Variants in ELOVL5 observed in about 807,000 individuals in gnomAD.
ELOVL5 encodes the protein ELOVL fatty acid elongase 5.
ELOVL5 carries 8 observed loss-of-function variants against 38.6 expected under a neutral mutation model. The observed-to-expected ratio is 0.21, with a 90% CI of 0.12 to 0.37. The LOEUF (loss-of-function observed/expected upper bound fraction) is 0.37. Ranked by LOEUF, ELOVL5 falls within the 10% of genes least tolerant of loss-of-function variation. The pLI is 1.00. For synonymous variants in ELOVL5, 127 were observed against 133.7 expected, an observed-to-expected ratio of 0.95 and a Z score of 0.34; for missense variants, 280 against 367.8, an observed-to-expected ratio of 0.76 and a Z score of 1.95.
intron 1 of ELOVL5, among the ~76,000 whole-genome samples, chr6:53,308,229 C>T (rs1460880301): frequency 6.6e-6 from 1 of 152,200 alleles, no homozygotes; most frequent in Non-Finnish European, 1.5e-5. Flanking sequence ...ACCTCATTTT[C>T]ATACTCTTCA....
At chr6:53,321,958 G>C (rs1768318926) in intron 1 of ELOVL5, among the ~76,000 whole-genome samples, 1 of 152,134 alleles carries the variant, frequency 6.6e-6, no homozygotes, top group African/African-American at 2.4e-5. Flanking sequence ...CAGGTTATTA[G>C]TACACAGTAA....
intron 1 of ELOVL5, among the ~76,000 whole-genome samples, chr6:53,301,934 C>T (rs545886308): frequency 1.7e-4 from 26 of 152,258 alleles, no homozygotes; most frequent in African/African-American, 5.3e-4. Context: ...TTTAAAGATA[C>T]AGCTGAAAGG....
chr6:53,269,062 G>A lies in ELOVL5; in HGVS notation c.*65C>T. ...GTTACAGCAGCTGTTAACGAGCATTGGGGCACAACTCATATTGTGCTTACA... is the reference window on the plus strand; with the variant it reads ...GTTACAGCAGCTGTTAACGAGCATTAGGGCACAACTCATATTGTGCTTACA... On this transcript the variant is annotated 3_prime_UTR_variant, in exon 8 of 8. Transcript: ENST00000304434. 1.9e-6 allele frequency: 3 copies of A among 1,559,728 alleles called. No individual in the cohort carries two copies. Among genetic ancestry groups the A allele is most frequent in the South Asian group, 1.2e-5 (1 of 84,836 alleles).
At chr6:53,281,597 G>A (rs1766357570) in intron 3 of ELOVL5, among the ~76,000 whole-genome samples, 1 of 152,176 alleles carries the variant, frequency 6.6e-6, no homozygotes, top group Non-Finnish European at 1.5e-5. Flanking sequence ...TGGAAAAGCA[G>A]ACCTTTAACT....
chr6:53,301,218 T>C (rs1403929936), intron 1 of ELOVL5, among the ~76,000 whole-genome samples: 2 of 152,068 alleles, frequency 1.3e-5, no homozygotes, highest in Non-Finnish European at 2.9e-5. Context: ...GCCTCACTGG[T>C]GCGGTTTCCT....
chr6:53,286,554 C>T (rs969198089), intron 3 of ELOVL5, among the ~76,000 whole-genome samples: 6 of 151,888 alleles, frequency 4.0e-5, no homozygotes, highest in East Asian at 1.9e-4. Flanking sequence ...GTAACAGAGC[C>T]GGACTCTGTC....
chr6:53,346,522 GA>G (rs1190669392), intron 1 of ELOVL5, among the ~76,000 whole-genome samples: 1 of 151,998 alleles, frequency 6.6e-6, no homozygotes, highest in Non-Finnish European at 1.5e-5. Context: ...AGCATTCAAG[GA>G]AAGACTTATT....
rs1289614179 is a variant in ELOVL5, at chr6:53,329,139, G to GTATATAAAGTACTTTTAGTACTATA, written c.-9+19653_-9+19677dup. ...GGAAAAATGTTTTTATAACTAAGTA[G>GTATATAAAGTACTTTTAGTACTATA]TATATAAAGTACTTTTAGTACTATA... On this transcript the variant is annotated intron_variant, in intron 1 of 7. Transcript: ENST00000304434. Among the ~76,000 whole-genome samples the GTATATAAAGTACTTTTAGTACTATA allele has an allele frequency of 2.0e-5, 3 of 152,164 alleles. No homozygotes were observed. The East Asian group carries it at 5.8e-4, about 29-fold the overall frequency.
intron 6 of ELOVL5, 86 bp downstream of exon 6, chr6:53,273,134 T>A: frequency 7.1e-7 from 1 of 1,406,206 alleles, no homozygotes. Flanking sequence ...AGGGGCATCT[T>A]AGATGCTATT....
At chr6:53,294,399 C>T (rs1167465122) in intron 2 of ELOVL5, 2 of 1,552,856 alleles carry the variant, frequency 1.3e-6, no homozygotes, top group Non-Finnish European at 8.7e-7. Context: ...AACATTTTTT[C>T]TTCTTCCTCT....
At chr6:53,298,456 A>G (rs1480180741) in intron 1 of ELOVL5, among the ~76,000 whole-genome samples, 1 of 152,222 alleles carries the variant, frequency 6.6e-6, no homozygotes, top group Non-Finnish European at 1.5e-5. Context: ...GATTATAAGA[A>G]ACTAGGGTTT....
chr6:53,316,649 C>A (rs1194698025), intron 1 of ELOVL5, among the ~76,000 whole-genome samples: 1 of 150,166 alleles, frequency 6.7e-6, no homozygotes, highest in Non-Finnish European at 1.5e-5. Flanking sequence ...AAAGGCACAG[C>A]AGGAGAGGGA....
At chr6:53,295,824 A>G (rs1171683078) in intron 1 of ELOVL5, 117 bp from the exon 2 acceptor site, 13 of 618,492 alleles carry the variant, frequency 2.1e-5, no homozygotes, top group Non-Finnish European at 2.6e-6. Context: ...GGTTAAGTTC[A>G]GTTCCTTAGG....
At chr6:53,330,318 T>C (rs1323402240) in intron 1 of ELOVL5, among the ~76,000 whole-genome samples, 1 of 152,112 alleles carries the variant, frequency 6.6e-6, no homozygotes, top group South Asian at 2.1e-4. Flanking sequence ...GCACTTACCA[T>C]GAATAGACGT....
At chr6:53,310,973 T>C (rs1767806290) in intron 1 of ELOVL5, among the ~76,000 whole-genome samples, 1 of 152,186 alleles carries the variant, frequency 6.6e-6, no homozygotes, top group Non-Finnish European at 1.5e-5. Flanking sequence ...ATTCTGCAAA[T>C]TTCTGTTCCA....
At chr6:53,290,171 C>G (rs760874782) in intron 3 of ELOVL5, 1 of 152,188 alleles carries the variant, frequency 6.6e-6, no homozygotes, top group Non-Finnish European at 1.5e-5. Flanking sequence ...TGTTTTTCTT[C>G]TCTTTACCAG....
At chr6:53,339,878 CAGA>C (rs1769252081) in intron 1 of ELOVL5, among the ~76,000 whole-genome samples, 1 of 151,972 alleles carries the variant, frequency 6.6e-6, no homozygotes, top group African/African-American at 2.4e-5. Context: ...GGAGGTATTC[CAGA>C]AGAAGGCATT....
chr6:53,302,285 C>T (rs1201415177), intron 1 of ELOVL5, among the ~76,000 whole-genome samples: 2 of 152,214 alleles, frequency 1.3e-5, no homozygotes, highest in Non-Finnish European at 2.9e-5. Context: ...AACATCAGTG[C>T]TCACTTTGAA....
intron 1 of ELOVL5, among the ~76,000 whole-genome samples, chr6:53,325,922 T>C (rs1768523738): frequency 6.6e-6 from 1 of 152,184 alleles, no homozygotes; most frequent in African/African-American, 2.4e-5. Flanking sequence ...AAAACGTGAA[T>C]GCTCCATAAA....
Sources: gnomAD v4.1 joint callset for allele counts (sites outside exome capture counted in the v4.1 genomes callset) on GRCh38, gnomAD v4.1.1 for gene constraint, MANE v1.5 for transcripts, NCBI Gene and HGNC (gene_info 2026-07-23, HGNC 2026-07-21) for gene names.